The following ASXL2 variants were observed in gnomAD, a reference collection of about 807,000 sequenced individuals.
ASXL2 encodes the protein ASXL transcriptional regulator 2.
A neutral mutation model predicts 122.0 loss-of-function variants in ASXL2; 23 were observed. That is an observed-to-expected ratio of 0.19 (90% confidence interval 0.14 to 0.27). The LOEUF (loss-of-function observed/expected upper bound fraction) is 0.27. ASXL2 is among the 10% of genes least tolerant of loss of function. The pLI is 1.00. For missense variants in ASXL2, 1,518 were observed against 1,713.8 expected (o/e 0.89, Z 2.02); for synonymous variants, 650 against 637.0 (o/e 1.02, Z -0.31).
At chr2:25,814,044 C>T (rs987807247) in intron 3 of ASXL2, among the ~76,000 whole-genome samples, 22 of 151,602 alleles carry the variant, frequency 1.5e-4, no homozygotes, top group African/African-American at 4.1e-4. Context: ...AGCGAGACTC[C>T]GTCTCAAAAA....
At chr2:25,815,390 C>T (rs1056026517) in intron 3 of ASXL2, among the ~76,000 whole-genome samples, 1 of 151,986 alleles carries the variant, frequency 6.6e-6, no homozygotes, top group Non-Finnish European at 1.5e-5. Flanking sequence ...TGATAACCCT[C>T]ACCTCCTTTT....
At chr2:25,784,209 G>A (rs551640960) in intron 5 of ASXL2, among the ~76,000 whole-genome samples, 3 of 151,784 alleles carry the variant, frequency 2.0e-5, no homozygotes, top group South Asian at 4.2e-4. Flanking sequence ...TTGTGATCAC[G>A]CCACTGCCTC....
chr2:25,852,590 C>T (rs1303877792), intron 1 of ASXL2, among the ~76,000 whole-genome samples: 1 of 151,832 alleles, frequency 6.6e-6, no homozygotes, highest in Non-Finnish European at 1.5e-5. Context: ...GTAACTTGTG[C>T]CATACCAGTA....
chr2:25,796,067 T>C (rs187746941), intron 5 of ASXL2, among the ~76,000 whole-genome samples: 1 of 152,338 alleles, frequency 6.6e-6, no homozygotes, highest in Admixed American at 6.5e-5. Context: ...ATTCTCTGAT[T>C]ACAAAGTTCG....
intron 1 of ASXL2, among the ~76,000 whole-genome samples, chr2:25,848,043 T>A (rs2089669547): frequency 6.6e-6 from 1 of 152,118 alleles, no homozygotes. Flanking sequence ...ATGGCAATAA[T>A]AAACACCATG....
At chr2:25,800,764 C>G (rs1034319464) in intron 4 of ASXL2, among the ~76,000 whole-genome samples, 2 of 152,122 alleles carry the variant, frequency 1.3e-5, no homozygotes, top group Non-Finnish European at 2.9e-5. Context: ...ATAGTACCTA[C>G]CTTAAAAGAT....
chr2:25,763,216 T>C (rs2088284138), intron 8 of ASXL2, among the ~76,000 whole-genome samples: 2 of 151,746 alleles, frequency 1.3e-5, no homozygotes, highest in Admixed American at 1.3e-4. Context: ...CTGGGCGCAG[T>C]GGCTCATGCC....
At chr2:25,756,277 AT>A (rs1353020737) in intron 9 of ASXL2, among the ~76,000 whole-genome samples, 163 bp from the exon 10 acceptor site, 1 of 152,010 alleles carries the variant, frequency 6.6e-6, no homozygotes, top group Non-Finnish European at 1.5e-5. Flanking sequence ...ATTTAATGTA[AT>A]ATCACTTTGT....
In ASXL2 at chr2:25,736,648, A is replaced by G. The variant is rs2087740599; in HGVS notation, c.*5381T>C. The stretch of plus-strand genomic sequence containing the variant: ...TGTCTTTTAAAAAGCCAATGTAAAG[A>G]AAAAAAAAAAAAGCCAATGTATCCT... On this transcript the variant is annotated 3_prime_UTR_variant, in exon 13 of 13. Transcript: ENST00000435504. 1 of 140,686 alleles carries G rather than the reference A, an allele frequency of 7.1e-6. No individual in the cohort carries two copies. 8.7% of individuals were successfully genotyped at this position (140,686 alleles called of 1,614,324 possible). A position where few individuals can be genotyped will look rare whatever the true frequency, so the allele number is the denominator to read the frequency against.
chr2:25,747,083 A>G (rs1233157966), intron 12 of ASXL2, among the ~76,000 whole-genome samples: 1 of 152,228 alleles, frequency 6.6e-6, no homozygotes, highest in African/African-American at 2.4e-5. Flanking sequence ...TAAATGCTAT[A>G]TAAATTGTTA....
chr2:25,794,063 T>C (rs148357952), intron 5 of ASXL2, among the ~76,000 whole-genome samples: 12 of 152,312 alleles, frequency 7.9e-5, no homozygotes, highest in African/African-American at 2.9e-4. Context: ...AAAGGAGACA[T>C]AATCATACCC....
chr2:25,800,917 G>A (rs1450547865), intron 4 of ASXL2, among the ~76,000 whole-genome samples: 1 of 152,100 alleles, frequency 6.6e-6, no homozygotes, highest in Non-Finnish European at 1.5e-5. Flanking sequence ...ACACACTAGT[G>A]AGTGTTTGTG....
intron 1 of ASXL2, among the ~76,000 whole-genome samples, chr2:25,859,525 C>A (rs878864819): frequency 1.3e-5 from 2 of 152,022 alleles, no homozygotes; most frequent in South Asian, 2.1e-4. Context: ...CCAATCTCTC[C>A]GAAAGAAATA....
intron 1 of ASXL2, among the ~76,000 whole-genome samples, chr2:25,866,055 TA>T (rs1261233030): frequency 1.3e-5 from 2 of 151,950 alleles, no homozygotes; most frequent in Non-Finnish European, 2.9e-5. Context: ...TAAATATGGA[TA>T]CCAAAATCAC....
At chr2:25,795,958 A>G (rs1393387189) in intron 5 of ASXL2, among the ~76,000 whole-genome samples, 2 of 152,126 alleles carry the variant, frequency 1.3e-5, no homozygotes, top group Admixed American at 6.5e-5. Context: ...TCAACAATTA[A>G]CTAGTCAGAA....
chr2:25,816,111 C>T (rs1049711775), intron 3 of ASXL2, among the ~76,000 whole-genome samples: 1 of 151,876 alleles, frequency 6.6e-6, no homozygotes, highest in Non-Finnish European at 1.5e-5. Flanking sequence ...TGGCTGGGTG[C>T]GGTGGCTCAC....
intron 1 of ASXL2, among the ~76,000 whole-genome samples, chr2:25,848,447 C>G (rs2149194569): frequency 6.6e-6 from 1 of 151,752 alleles, no homozygotes. Context: ...ATGGTAAAAC[C>G]CTGTCTCTAC....
At chr2:25,765,767 G>C (rs2088337652) in intron 8 of ASXL2, among the ~76,000 whole-genome samples, 1 of 152,058 alleles carries the variant, frequency 6.6e-6, no homozygotes. Flanking sequence ...ATTTTAAGTA[G>C]AATATGCGCT....
chr2:25,818,454 T>C (rs1376769790), intron 3 of ASXL2, among the ~76,000 whole-genome samples: 1 of 152,140 alleles, frequency 6.6e-6, no homozygotes, highest in Non-Finnish European at 1.5e-5. Flanking sequence ...GAGGTTGCAG[T>C]AAGCCGAGAT....
Sources: allele counts gnomAD v4.1 joint callset (sites outside exome capture counted in the v4.1 genomes callset), GRCh38; gene constraint gnomAD v4.1.1; transcripts MANE v1.5; gene names NCBI Gene and HGNC (gene_info 2026-07-23, HGNC 2026-07-21).